TMEM38B: variants seen among roughly 807,000 people sequenced by gnomAD.
The protein encoded by TMEM38B is trimeric intracellular cation channel type B.
TMEM38B carries 24 observed loss-of-function variants against 28.7 expected under a neutral mutation model. The ratio of observed to expected loss-of-function variants is 0.84; its 90% CI spans 0.61 to 1.18. The LOEUF (loss-of-function observed/expected upper bound fraction) is 1.18. Among genes scored for constraint, TMEM38B ranks in the 50% most tolerant of loss-of-function variants. The pLI is 0.00. For synonymous variants in TMEM38B, 131 were observed against 127.7 expected (o/e 1.03, Z -0.17); for missense variants, 380 against 350.9 (o/e 1.08, Z -0.66).
intron 4 of TMEM38B, among the ~76,000 whole-genome samples, chr9:105,744,810 C>A (rs1837330883): frequency 6.6e-6 from 1 of 152,072 alleles, no homozygotes; most frequent in Admixed American, 6.6e-5. Context: ...TTGTTCAATT[C>A]CCACCTATGA....
At chr9:105,694,980 C>G (rs1285018456) in intron 1 of TMEM38B, among the ~76,000 whole-genome samples, 1 of 152,192 alleles carries the variant, frequency 6.6e-6, no homozygotes, top group African/African-American at 2.4e-5. Flanking sequence ...GACGGAGGCT[C>G]TAGTACTCCT....
intron 5 of TMEM38B, among the ~76,000 whole-genome samples, chr9:105,765,664 A>G (rs1425662931): frequency 6.6e-6 from 1 of 152,020 alleles, no homozygotes; most frequent in African/African-American, 2.4e-5. Context: ...TAGGTACCAC[A>G]ATTTGTTTTT....
At chr9:105,748,735 A>G (rs1304684588) in intron 5 of TMEM38B, among the ~76,000 whole-genome samples, 1 of 152,136 alleles carries the variant, frequency 6.6e-6, no homozygotes, top group Non-Finnish European at 1.5e-5. Context: ...TGATTTTCTC[A>G]TCTTCATTGT....
chr9:105,747,612 C>A, intron 4 of TMEM38B, among the ~76,000 whole-genome samples: 1 of 152,148 alleles, frequency 6.6e-6, no homozygotes, highest in Admixed American at 6.5e-5. Context: ...TTCTTGCCTT[C>A]TGCTAGCTTT....
chr9:105,763,287 C>A (rs1443057236), intron 5 of TMEM38B, among the ~76,000 whole-genome samples: 1 of 152,124 alleles, frequency 6.6e-6, no homozygotes, highest in East Asian at 1.9e-4. Context: ...TCAATTTTGG[C>A]TTTGGTTGCC....
chr9:105,701,512 G>T (rs1429976110), intron 1 of TMEM38B: 3 of 152,176 alleles, frequency 2.0e-5, no homozygotes, highest in African/African-American at 7.2e-5. Flanking sequence ...CAAGTTATAA[G>T]AATTGTGTTG....
chr9:105,722,673 C>T (rs760036737), intron 4 of TMEM38B, 52 bp downstream of exon 4: 2 of 1,455,196 alleles, frequency 1.4e-6, no homozygotes, highest in Non-Finnish European at 1.9e-6. Flanking sequence ...TTAGATCTTA[C>T]CAAATTCCTT....
chr9:105,701,120 G>C (rs896390383), intron 1 of TMEM38B: 12 of 152,040 alleles, frequency 7.9e-5, no homozygotes, highest in Non-Finnish European at 1.0e-4. Context: ...TGATAATGTA[G>C]TATTTACTTT....
intron 4 of TMEM38B, 28 bp from the exon 5 acceptor site, chr9:105,748,045 G>T (rs1837493211): frequency 1.4e-6 from 2 of 1,453,492 alleles, no homozygotes; most frequent in Non-Finnish European, 1.9e-6. Flanking sequence ...TTTATTACTT[G>T]CTGATTTAAA....
intron 2 of TMEM38B, among the ~76,000 whole-genome samples, chr9:105,717,990 G>C (rs901652599): frequency 6.6e-6 from 1 of 152,118 alleles, no homozygotes; most frequent in Non-Finnish European, 1.5e-5. Context: ...GGCATGGAGA[G>C]GTTAATAACT....
intron 4 of TMEM38B, among the ~76,000 whole-genome samples, chr9:105,735,817 A>G (rs1035477070): frequency 3.9e-5 from 6 of 151,992 alleles, no homozygotes; most frequent in Non-Finnish European, 8.8e-5. Context: ...CTGGATGTGG[A>G]TATCAGTATC....
At chr9:105,747,953 C>G in intron 4 of TMEM38B, 120 bp from the exon 5 acceptor site, 1 of 653,590 alleles carries the variant, frequency 1.5e-6, no homozygotes, top group South Asian at 2.1e-5. Flanking sequence ...TAACAAAACT[C>G]ATTTTTGCAT....
chr9:105,705,477 A>T (rs1835622696), intron 1 of TMEM38B, 120 bp from the exon 2 acceptor site: 2 of 993,402 alleles, frequency 2.0e-6, no homozygotes, highest in South Asian at 3.8e-5. Context: ...CACACCTATG[A>T]ATAATAGTTG....
intron 4 of TMEM38B, among the ~76,000 whole-genome samples, chr9:105,734,883 C>G (rs12342079): frequency 2.2e-5 from 3 of 138,224 alleles, no homozygotes. Flanking sequence ...TTTTTTTTGT[C>G]AGTTCAACCA....
chr9:105,755,993 G>A (rs1021074015), intron 5 of TMEM38B, among the ~76,000 whole-genome samples: 9 of 152,136 alleles, frequency 5.9e-5, no homozygotes, highest in African/African-American at 2.2e-4. Flanking sequence ...CACTTTGGGA[G>A]GCCAAGGTTG....
At chr9:105,757,791 T>C (rs1264324953) in intron 5 of TMEM38B, among the ~76,000 whole-genome samples, 3 of 152,098 alleles carry the variant, frequency 2.0e-5, no homozygotes, top group Non-Finnish European at 1.5e-5. Flanking sequence ...TGGTAAGGGA[T>C]AGAAAAATGA....
intron 4 of TMEM38B, among the ~76,000 whole-genome samples, chr9:105,746,460 G>C (rs1004132573): frequency 2.0e-5 from 3 of 152,228 alleles, no homozygotes; most frequent in Admixed American, 6.5e-5. Flanking sequence ...TTGCTTATCA[G>C]CTTAAGGAGA....
chr9:105,710,319 T>G, intron 2 of TMEM38B: 1 of 679,836 alleles, frequency 1.5e-6, no homozygotes, highest in Non-Finnish European at 2.7e-6. Context: ...CTTCTGCTAC[T>G]CTGTGGTCTT....
intron 2 of TMEM38B, among the ~76,000 whole-genome samples, chr9:105,714,899 C>G (rs1054156769): frequency 6.6e-6 from 1 of 152,132 alleles, no homozygotes; most frequent in Non-Finnish European, 1.5e-5. Flanking sequence ...ATGTCTAGGC[C>G]TTTTTAGTGA....
Sources: allele counts gnomAD v4.1 joint callset (sites outside exome capture counted in the v4.1 genomes callset), GRCh38; gene constraint gnomAD v4.1.1; transcripts MANE v1.5; gene names NCBI Gene and HGNC (gene_info 2026-07-23, HGNC 2026-07-21).